Variants in PLA2R1 observed in about 807,000 individuals in gnomAD.
PLA2R1 encodes phospholipase A2 receptor 1.
PLA2R1 carries 158 observed loss-of-function variants against 195.9 expected under a neutral mutation model. The observed-to-expected ratio is 0.81, with a 90% confidence interval of 0.71 to 0.92. PLA2R1 has a LOEUF of 0.92. PLA2R1 is among the 40% of genes least tolerant of loss of function. The pLI is 0.00. For synonymous variants in PLA2R1, 586 were observed against 598.2 expected, an observed-to-expected ratio of 0.98 and a Z score of 0.30; for missense variants, 1,626 against 1,764.6, an observed-to-expected ratio of 0.92 and a Z score of 1.41.
rs966084409 is a variant in PLA2R1 at position 160,062,416 on chromosome 2, G to C, written c.-13C>G. The stretch of plus-strand genomic sequence containing the variant: ...GCGACAGCAGCATCGCTAACCACTG[G>C]GCTCTCCGGGAGCCCCTTGTCCCGG... On this transcript the variant is annotated 5_prime_UTR_variant, in exon 1 of 30. Transcript: ENST00000283243. 4 of 1,533,974 alleles carry C rather than the reference G, an allele frequency of 2.6e-6. No homozygotes were observed. The African/African-American group carries it at 5.7e-5, about 22-fold the overall frequency.
chr2:160,061,981 T>A (rs1462519215), intron 1 of PLA2R1, among the ~76,000 whole-genome samples: 2 of 151,970 alleles, frequency 1.3e-5, no homozygotes, highest in African/African-American at 4.8e-5. Context: ...GACACTCCTA[T>A]CCCGGGCTGG....
chr2:159,939,551 A>G lies in PLA2R1; in HGVS notation c.*2227T>C, dbSNP rs1295215224. ...AAAAAAAGTTTCAAAAAAAATGCAA[A>G]TATAAAAATGTAGCAGAATACTTCA... On this transcript the variant is annotated 3_prime_UTR_variant, in exon 30 of 30. Transcript: ENST00000283243. 1 of 152,106 alleles carries G rather than the reference A, an allele frequency of 6.6e-6. No individual in the cohort carries two copies. Among genetic ancestry groups the G allele is most frequent in the Non-Finnish European group, 1.5e-5 (1 of 68,022 alleles). The allele number at this position is 152,106 out of a possible 1,614,324, so 9.4% of individuals were successfully genotyped here.
At chr2:159,967,174 TGCACACACAC>T (rs1366859797) in intron 20 of PLA2R1, among the ~76,000 whole-genome samples, 2 of 152,062 alleles carry the variant, frequency 1.3e-5, no homozygotes, top group African/African-American at 4.8e-5. Context: ...TACATACACG[TGCACACACAC>T]GCACGCACAT....
intron 11 of PLA2R1, among the ~76,000 whole-genome samples, chr2:159,995,868 C>G (rs958741694): frequency 6.6e-6 from 1 of 152,088 alleles, no homozygotes; most frequent in Non-Finnish European, 1.5e-5. Context: ...TCCTACACCA[C>G]AGTGGTACAT....
chr2:160,018,136 G>A (rs1692885039), intron 8 of PLA2R1, among the ~76,000 whole-genome samples: 1 of 152,002 alleles, frequency 6.6e-6, no homozygotes, highest in Non-Finnish European at 1.5e-5. Flanking sequence ...TTCCAGAAAA[G>A]GGGCCATAAA....
chr2:159,974,097 T>C (rs1689374922), intron 17 of PLA2R1, among the ~76,000 whole-genome samples: 1 of 152,058 alleles, frequency 6.6e-6, no homozygotes, highest in South Asian at 2.1e-4. Flanking sequence ...CTAAGCTCTG[T>C]TGGAAAGATC....
chr2:159,994,900 C>T (rs189562214), intron 11 of PLA2R1, among the ~76,000 whole-genome samples: 112 of 152,092 alleles, frequency 7.4e-4, no homozygotes, highest in African/African-American at 2.6e-3. Flanking sequence ...TCTGAGTGTT[C>T]ATGTAGGTTC....
At chr2:159,995,381 GATTTTCGACATCTAAATATGCCCCAAGA>G (rs1323378679) in intron 11 of PLA2R1, among the ~76,000 whole-genome samples, 4 of 151,988 alleles carry the variant, frequency 2.6e-5, no homozygotes, top group African/African-American at 9.7e-5. Flanking sequence ...TTCAATTCCA[GATTTTCGACATCTAAATATGCCCCAAGA>G]AACTTAATAT....
At chr2:159,979,573 T>C (rs1689804064) in intron 14 of PLA2R1, among the ~76,000 whole-genome samples, 1 of 152,140 alleles carries the variant, frequency 6.6e-6, no homozygotes, top group Non-Finnish European at 1.5e-5. Flanking sequence ...AGACTTCATA[T>C]GGGAGATGGT....
At chr2:160,026,036 GTAAC>G (rs1693504624) in intron 6 of PLA2R1, among the ~76,000 whole-genome samples, 1 of 152,162 alleles carries the variant, frequency 6.6e-6, no homozygotes. Flanking sequence ...GGGGAAATGG[GTAAC>G]TAAGTGAGAT....
At chr2:160,046,773 T>A (rs1242595815) in intron 1 of PLA2R1, among the ~76,000 whole-genome samples, 1 of 152,160 alleles carries the variant, frequency 6.6e-6, no homozygotes, top group Non-Finnish European at 1.5e-5. Context: ...TTCATTTAGA[T>A]CAGGAAATTT....
At chr2:159,954,266 A>G (rs1687944710) in intron 23 of PLA2R1, among the ~76,000 whole-genome samples, 1 of 151,850 alleles carries the variant, frequency 6.6e-6, no homozygotes, top group Middle Eastern at 3.4e-3. Context: ...GGTACTCATA[A>G]GTGTGTAAGT....
rs1309280066 is a variant in PLA2R1 at position 160,051,225 on chromosome 2, T to C, written c.110-6068A>G. 2.0e-5 allele frequency among the ~76,000 whole-genome samples: 3 copies of C among 152,340 alleles called. No individual in the cohort carries two copies. The East Asian group carries it at 5.8e-4, about 29-fold the overall frequency. On this transcript the variant is annotated intron_variant, in intron 1 of 29. Coordinates refer to ENST00000283243, the MANE Select transcript of PLA2R1 (RefSeq NM_007366.5). Reference sequence around the variant, plus strand: ...CTCTGTGCTGCTCCATTAAGGGAACTGGAAGGAAAAGTTCCAGTGCATGGT... The same window carrying C: ...CTCTGTGCTGCTCCATTAAGGGAACCGGAAGGAAAAGTTCCAGTGCATGGT...
In PLA2R1 at chr2:160,045,038, A is replaced by G. The variant is rs1340959900; in HGVS notation, c.229T>C (p.Ser77Pro). Residue 77 changes from serine (S) to proline (P), a missense_variant, in exon 2 of 30, where the codon TCA becomes CCA. Transcript: ENST00000283243. ...ANKHMLWKWV[S>P]NHGLFNIGGS... ...CCTATGTTAAAGAGGCCATGGTTTGAAACCCATTTCCACAGCATGTGCTTG... is the reference window on the plus strand; with the variant it reads ...CCTATGTTAAAGAGGCCATGGTTTGGAACCCATTTCCACAGCATGTGCTTG... 6.2e-7 allele frequency: 1 copy of G among 1,614,204 alleles called. No individual in the cohort carries two copies.
chr2:159,997,919 AG>A (rs781603369), intron 11 of PLA2R1, among the ~76,000 whole-genome samples: 55 of 152,262 alleles, frequency 3.6e-4, no homozygotes, highest in Non-Finnish European at 6.8e-4. Context: ...TCAAAAGTAC[AG>A]GGTTTTAAAC....
chr2:159,990,560 C>T (rs1264183855), intron 11 of PLA2R1, among the ~76,000 whole-genome samples: 1 of 152,174 alleles, frequency 6.6e-6, no homozygotes, highest in African/African-American at 2.4e-5. Flanking sequence ...CCTGCAACAA[C>T]CCTTTACATC....
intron 11 of PLA2R1, among the ~76,000 whole-genome samples, chr2:160,002,757 C>T (rs1484095174): frequency 6.6e-6 from 1 of 151,932 alleles, no homozygotes; most frequent in Non-Finnish European, 1.5e-5. Context: ...TATTAAAATA[C>T]ATATCACTAA....
chr2:159,994,110 G>C (rs1286072587), intron 11 of PLA2R1, among the ~76,000 whole-genome samples: 1 of 151,004 alleles, frequency 6.6e-6, no homozygotes, highest in Non-Finnish European at 1.5e-5. Flanking sequence ...TGTGCCTCTA[G>C]ACAGAGCACA....
At chr2:160,049,727 G>C (rs1474802889) in intron 1 of PLA2R1, among the ~76,000 whole-genome samples, 1 of 152,166 alleles carries the variant, frequency 6.6e-6, no homozygotes, top group Admixed American at 6.5e-5. Flanking sequence ...TCGGGAAGCT[G>C]AGGCACAAGA....
Sources: gnomAD v4.1 joint callset for allele counts (sites outside exome capture counted in the v4.1 genomes callset) on GRCh38, gnomAD v4.1.1 for gene constraint, MANE v1.5 for transcripts, NCBI Gene and HGNC (gene_info 2026-07-23, HGNC 2026-07-21) for gene names.